Variants in AGBL1 observed in about 807,000 individuals in gnomAD.
AGBL1 encodes cytosolic carboxypeptidase 4.
Under a neutral mutation model 118.9 loss-of-function variants are expected in AGBL1, and 130 were observed. The observed-to-expected ratio is 1.09, with a 90% CI of 0.95 to 1.26. The LOEUF is 1.26. AGBL1 is among the 50% of genes most tolerant of loss of function. The pLI, the probability that AGBL1 is intolerant of heterozygous loss-of-function variation, is 0.00. For missense variants in AGBL1, 1,584 were observed against 1,298.1 expected (o/e 1.22, Z -3.38); for synonymous variants, 555 against 478.9 (o/e 1.16, Z -2.08).
chr15:86,945,160 G>A (rs959604620), intron 23 of AGBL1, among the ~76,000 whole-genome samples: 5 of 147,036 alleles, frequency 3.4e-5, no homozygotes, highest in Admixed American at 2.1e-4. Flanking sequence ...CAGGAGGATC[G>A]CCTGAACCAG....
chr15:87,022,457 T>C (rs2081675541), intron 24 of AGBL1, among the ~76,000 whole-genome samples: 1 of 152,110 alleles, frequency 6.6e-6, no homozygotes, highest in Non-Finnish European at 1.5e-5. Flanking sequence ...TCTGAGATTA[T>C]ATTAAATGAC....
chr15:86,468,456 C>G (rs2082435366), intron 18 of AGBL1, among the ~76,000 whole-genome samples: 1 of 152,144 alleles, frequency 6.6e-6, no homozygotes, highest in Admixed American at 6.5e-5. Flanking sequence ...ACTTGGCTCC[C>G]TCATTTTGAT....
chr15:86,896,890 A>T (rs779102713), intron 22 of AGBL1, among the ~76,000 whole-genome samples: 20 of 152,132 alleles, frequency 1.3e-4, no homozygotes, highest in Non-Finnish European at 2.8e-4. Context: ...TGAGATCTTC[A>T]CTATATCAAT....
At chr15:86,771,419 G>A (rs547624004) in intron 22 of AGBL1, among the ~76,000 whole-genome samples, 20 of 151,770 alleles carry the variant, frequency 1.3e-4, no homozygotes, top group Admixed American at 5.3e-4. Flanking sequence ...TTTCCAATGC[G>A]CTTAATGGTA....
chr15:86,948,138 A>AGTTAG (rs2080844822), intron 23 of AGBL1, among the ~76,000 whole-genome samples: 1 of 152,190 alleles, frequency 6.6e-6, no homozygotes, highest in Admixed American at 6.5e-5. Context: ...ATGTGCAGTG[A>AGTTAG]CACTGAGGCT....
At chr15:86,434,231 G>A (rs1027345820) in intron 18 of AGBL1, among the ~76,000 whole-genome samples, 20 of 152,210 alleles carry the variant, frequency 1.3e-4, no homozygotes, top group African/African-American at 4.8e-4. Flanking sequence ...AGTTTTACGA[G>A]TCTCATTTCC....
At chr15:86,526,602 G>GTA (rs1380038428) in intron 19 of AGBL1, among the ~76,000 whole-genome samples, 8 of 140,446 alleles carry the variant, frequency 5.7e-5, no homozygotes, top group Admixed American at 2.2e-4. Flanking sequence ...TGTATATAGT[G>GTA]TATATATATA....
At chr15:86,181,432 A>G (rs2077551537) in intron 5 of AGBL1, among the ~76,000 whole-genome samples, 1 of 152,122 alleles carries the variant, frequency 6.6e-6, no homozygotes. Context: ...ACTGTATTAT[A>G]CCATTGTATT....
At chr15:86,178,457 A>T (rs1290278712) in intron 5 of AGBL1, among the ~76,000 whole-genome samples, 1 of 152,236 alleles carries the variant, frequency 6.6e-6, no homozygotes, top group East Asian at 1.9e-4. Context: ...ACTACGAACA[A>T]CTTTGTGCCA....
intron 18 of AGBL1, among the ~76,000 whole-genome samples, chr15:86,440,776 G>A (rs865790753): frequency 9.2e-5 from 14 of 152,178 alleles, no homozygotes; most frequent in Admixed American, 5.2e-4. Flanking sequence ...TGGAAACCAG[G>A]GAGCTTCCAT....
At chr15:86,441,656 G>A (rs2082066050) in intron 18 of AGBL1, among the ~76,000 whole-genome samples, 1 of 152,200 alleles carries the variant, frequency 6.6e-6, no homozygotes, top group Non-Finnish European at 1.5e-5. Context: ...AGGGGGCATT[G>A]TATCCCCGTT....
intron 20 of AGBL1, among the ~76,000 whole-genome samples, chr15:86,553,278 A>T (rs1412179473): frequency 6.6e-6 from 1 of 152,182 alleles, no homozygotes; most frequent in Non-Finnish European, 1.5e-5. Flanking sequence ...CTGACTCAGA[A>T]CTGTGTATAC....
intron 1 of AGBL1, among the ~76,000 whole-genome samples, chr15:86,107,122 T>G (rs1448771311): frequency 6.6e-6 from 1 of 152,208 alleles, no homozygotes; most frequent in Non-Finnish European, 1.5e-5. Context: ...AGCAAGCTGA[T>G]GTATGCACAC....
chr15:86,594,916 A>T (rs2084385341), intron 21 of AGBL1, among the ~76,000 whole-genome samples: 2 of 152,064 alleles, frequency 1.3e-5, no homozygotes, highest in South Asian at 4.1e-4. Flanking sequence ...AACCTCACTA[A>T]TTGTCTCCAC....
At chr15:86,811,783 C>G (rs1284957139) in intron 22 of AGBL1, among the ~76,000 whole-genome samples, 2 of 152,164 alleles carry the variant, frequency 1.3e-5, no homozygotes, top group African/African-American at 2.4e-5. Flanking sequence ...AGTGAGTCTT[C>G]TTAAACTGAC....
intron 21 of AGBL1, among the ~76,000 whole-genome samples, chr15:86,590,187 A>T (rs751775010): frequency 1.3e-5 from 2 of 152,196 alleles, no homozygotes; most frequent in African/African-American, 2.4e-5. Flanking sequence ...GGTAAAACAC[A>T]TTATGGGAGG....
intron 1 of AGBL1, among the ~76,000 whole-genome samples, chr15:86,113,254 T>G (rs143417225): frequency 0.24 from 20,363 of 86,602 alleles, 1,762 homozygotes; most frequent in South Asian, 0.31. Context: ...TTTCTTTTCT[T>G]TTCTTTCTTT....
intron 22 of AGBL1, among the ~76,000 whole-genome samples, chr15:86,779,912 A>AC (rs1371945077): frequency 5.5e-5 from 6 of 110,052 alleles, no homozygotes; most frequent in East Asian, 5.2e-4. Context: ...TGTGTTGGAC[A>AC]CCCCCCCAAC....
intron 5 of AGBL1, among the ~76,000 whole-genome samples, chr15:86,217,049 C>A (rs1306539178): frequency 1.3e-5 from 2 of 152,232 alleles, no homozygotes. Flanking sequence ...CTCCAGCCAA[C>A]CTTTTAAATC....
Sources: allele counts gnomAD v4.1 joint callset (sites outside exome capture counted in the v4.1 genomes callset), GRCh38; gene constraint gnomAD v4.1.1; transcripts MANE v1.5; gene names NCBI Gene and HGNC (gene_info 2026-07-23, HGNC 2026-07-21).